Variants in ITPR1 observed in about 807,000 individuals in gnomAD.
ITPR1 encodes the protein inositol 1,4,5-trisphosphate receptor type 1.
In ITPR1, 96 loss-of-function variants were observed where a neutral mutation model predicts 318.4. The ratio of observed to expected loss-of-function variants is 0.30; its 90% confidence interval spans 0.26 to 0.36. The LOEUF is 0.36. ITPR1 is among the 10% of genes least tolerant of loss of function. The pLI is 1.00. For missense variants in ITPR1, 2,440 were observed against 3,460.2 expected, an observed-to-expected ratio of 0.71 and a Z score of 7.40; for synonymous variants, 1,312 against 1,289.9, an observed-to-expected ratio of 1.02 and a Z score of -0.37.
intron 39 of ITPR1, among the ~76,000 whole-genome samples, chr3:4,713,349 A>G (rs1231319130): frequency 6.6e-6 from 1 of 152,168 alleles, no homozygotes; most frequent in African/African-American, 2.4e-5. Flanking sequence ...TGGAATATCT[A>G]TTTCTTTCCA....
intron 4 of ITPR1, among the ~76,000 whole-genome samples, chr3:4,563,553 G>T (rs2086901411): frequency 1.3e-5 from 2 of 152,132 alleles, no homozygotes; most frequent in Non-Finnish European, 2.9e-5. Context: ...TGCATATTGA[G>T]AATTATTACA....
rs1223400063 is a variant in ITPR1, at chr3:4,652,074, T to C, written c.856-49T>C. On this transcript the variant is annotated intron_variant, in intron 10 of 61. Coordinates refer to ENST00000649015, the MANE Select transcript of ITPR1 (RefSeq NM_001378452.1). ...TTGTGATACCTCCGATTTAATGTCTTCCTAGTGTAGGTTGACATTTCATTG... is the reference window on the plus strand; with the variant it reads ...TTGTGATACCTCCGATTTAATGTCTCCCTAGTGTAGGTTGACATTTCATTG... 3 of 1,346,392 alleles carry C rather than the reference T, an allele frequency of 2.2e-6. No individual in the cohort carries two copies. The South Asian group carries it at 3.7e-5, about 17-fold the overall frequency. 83.4% of individuals were successfully genotyped at this position (1,346,392 alleles called of 1,614,324 possible).
intron 2 of ITPR1, among the ~76,000 whole-genome samples, chr3:4,503,472 A>G (rs2081179531): frequency 6.6e-6 from 1 of 152,240 alleles, no homozygotes; most frequent in East Asian, 1.9e-4. Flanking sequence ...ATGTTTGCAG[A>G]AGGCGTTACA....
At chr3:4,836,179 C>T (rs1404750651) in intron 60 of ITPR1, among the ~76,000 whole-genome samples, 1 of 152,124 alleles carries the variant, frequency 6.6e-6, no homozygotes, top group African/African-American at 2.4e-5. Flanking sequence ...TTAAAATACA[C>T]AGCATAATAT....
At chr3:4,592,438 T>G (rs538157310) in intron 4 of ITPR1, among the ~76,000 whole-genome samples, 28 of 152,188 alleles carry the variant, frequency 1.8e-4, no homozygotes, top group African/African-American at 6.3e-4. Context: ...TTAGGCAGAG[T>G]GATTCCTCTT....
chr3:4,529,987 T>C (rs6796205), intron 4 of ITPR1, among the ~76,000 whole-genome samples: 1 of 152,018 alleles, frequency 6.6e-6, no homozygotes, highest in Admixed American at 6.5e-5. Context: ...TCTAACACCA[T>C]AAATCCTCCT....
At chr3:4,546,760 CTT>C (rs11349589) in intron 4 of ITPR1, among the ~76,000 whole-genome samples, 186 of 138,102 alleles carry the variant, frequency 1.3e-3, no homozygotes, top group East Asian at 3.6e-3. Context: ...CAACTCTGAC[CTT>C]TTTTTTTTTT....
intron 4 of ITPR1, among the ~76,000 whole-genome samples, chr3:4,583,338 C>G (rs527701231): frequency 6.6e-5 from 10 of 152,096 alleles, no homozygotes; most frequent in African/African-American, 2.4e-4. Context: ...CGTTTTTTCA[C>G]TAACTTTTTT....
rs753039414 is a variant in ITPR1, at chr3:4,699,860, G to A, written c.4455G>A (p.Glu1485=). 4 of 1,613,798 alleles carry A rather than the reference G, an allele frequency of 2.5e-6. No homozygotes were observed. The highest frequency in any genetic ancestry group is 2.2e-5 in the South Asian group (2 of 91,078). The part of the protein sequence containing the change: ...SDRKHADSIL[E]KYVTEIVMSI... ...GGAAACATGCAGACTCGATTTTGGAGAAGTATGTCACCGAAATCGTCATGA... is the reference window on the plus strand; with the variant it reads ...GGAAACATGCAGACTCGATTTTGGAAAAGTATGTCACCGAAATCGTCATGA... The change falls in exon 35 of 62, where the codon GAG becomes GAA. Residue 1485 remains glutamate (E), a synonymous_variant. Coordinates refer to ENST00000649015, the MANE Select transcript of ITPR1 (RefSeq NM_001378452.1).
chr3:4,699,683 G>A, intron 34 of ITPR1, 130 bp from the exon 35 acceptor site: 1 of 748,606 alleles, frequency 1.3e-6, no homozygotes, highest in South Asian at 2.1e-5. Context: ...GATTCCTTAA[G>A]GGGAGAAATA....
intron 5 of ITPR1, among the ~76,000 whole-genome samples, chr3:4,628,562 C>T (rs142004565): frequency 3.9e-5 from 6 of 152,308 alleles, no homozygotes; most frequent in East Asian, 3.9e-4. Context: ...GGAGACATGA[C>T]GTATAGCCAG....
At chr3:4,591,078 T>C (rs1218506219) in intron 4 of ITPR1, among the ~76,000 whole-genome samples, 1 of 152,250 alleles carries the variant, frequency 6.6e-6, no homozygotes, top group Non-Finnish European at 1.5e-5. Flanking sequence ...TATGGCTGCA[T>C]AGTATTCCAT....
Position 4,625,987 on chromosome 3 carries a change from T to C in ITPR1, c.164-1776T>C, listed in dbSNP as rs573408248. 3.3e-4 allele frequency among the ~76,000 whole-genome samples: 50 copies of C among 152,314 alleles called. 1 individual carries two copies. In the East Asian group the frequency reaches 9.1e-3, roughly 28 times the overall value. ...AGTAGTTATTGGTTTGTTGATGACA[T>C]ATCCCTGTCAGAAAAATCTGGTGAA... On this transcript the variant is annotated intron_variant, in intron 4 of 61. Transcript: ENST00000649015.
At chr3:4,580,133 C>A (rs1277728633) in intron 4 of ITPR1, among the ~76,000 whole-genome samples, 1 of 152,054 alleles carries the variant, frequency 6.6e-6, no homozygotes, top group East Asian at 1.9e-4. Flanking sequence ...TGGCGTGAAC[C>A]CGGGAGGCGG....
At chr3:4,596,000 G>A (rs1170417882) in intron 4 of ITPR1, 2 of 152,182 alleles carry the variant, frequency 1.3e-5, no homozygotes, top group African/African-American at 2.4e-5. Flanking sequence ...GGTGATACCA[G>A]AAATGAAATC....
chr3:4,708,104 G>A (rs1264899927), intron 37 of ITPR1, among the ~76,000 whole-genome samples: 1 of 152,176 alleles, frequency 6.6e-6, no homozygotes, highest in African/African-American at 2.4e-5. Flanking sequence ...AGACCTTGCT[G>A]AGGAAAGTAA....
chr3:4,645,221 C>A (rs2125158754), intron 8 of ITPR1, among the ~76,000 whole-genome samples, 166 bp from the exon 9 acceptor site: 1 of 152,288 alleles, frequency 6.6e-6, no homozygotes, highest in East Asian at 1.9e-4. Flanking sequence ...ACTCTGCCAG[C>A]AGGCCAGTTG....
At chr3:4,519,266 C>G (rs193231103) in intron 3 of ITPR1, among the ~76,000 whole-genome samples, 56 of 152,056 alleles carry the variant, frequency 3.7e-4, no homozygotes, top group Middle Eastern at 3.4e-3. Flanking sequence ...CTCACTCTGT[C>G]GCCAGGCTGG....
At chr3:4,568,916 G>A (rs748771152) in intron 4 of ITPR1, among the ~76,000 whole-genome samples, 2 of 152,088 alleles carry the variant, frequency 1.3e-5, no homozygotes, top group Non-Finnish European at 1.5e-5. Flanking sequence ...CTTAGCTTTT[G>A]GGGAGGCCTC....
Sources: allele counts gnomAD v4.1 joint callset (sites outside exome capture counted in the v4.1 genomes callset), GRCh38; gene constraint gnomAD v4.1.1; transcripts MANE v1.5; gene names NCBI Gene and HGNC (gene_info 2026-07-23, HGNC 2026-07-21).